PGAP4: variants seen among roughly 807,000 people sequenced by gnomAD.
The protein encoded by PGAP4 is GPI-N-acetylgalactosamine transferase PGAP4.
In PGAP4, 12 loss-of-function variants were observed where a neutral mutation model predicts 28.2. That is an observed-to-expected ratio of 0.42 (90% CI 0.27 to 0.69). PGAP4 has a LOEUF of 0.69. PGAP4 is among the 30% of genes least tolerant of loss of function. PGAP4 has a pLI of 0.22. For synonymous variants in PGAP4, 205 were observed against 211.8 expected, an observed-to-expected ratio of 0.97 and a Z score of 0.28; for missense variants, 425 against 513.5, an observed-to-expected ratio of 0.83 and a Z score of 1.67.
chr9:101,528,186 T>G (rs1262129460), intron 2 of PGAP4, among the ~76,000 whole-genome samples: 2 of 152,216 alleles, frequency 1.3e-5, no homozygotes, highest in Non-Finnish European at 2.9e-5. Context: ...GAAATTCTTT[T>G]TAAGTGCCTT....
At chr9:101,494,601 G>A (rs1053537772) in intron 2 of PGAP4, among the ~76,000 whole-genome samples, 3 of 151,832 alleles carry the variant, frequency 2.0e-5, no homozygotes, top group East Asian at 1.9e-4. Context: ...TAGAGTTATG[G>A]AAATTTTCAT....
At chr9:101,533,054 T>C (rs1827119984) in exon 1 of PGAP4, 1 of 152,218 alleles carries the variant, frequency 6.6e-6, no homozygotes, top group African/African-American at 2.4e-5. Flanking sequence ...TTAAAACGCA[T>C]TTAGTTTAAC....
At chr9:101,531,412 G>A (rs1280424546) in exon 2 of PGAP4, 2 of 152,186 alleles carry the variant, frequency 1.3e-5, no homozygotes, top group East Asian at 3.8e-4. Flanking sequence ...TAACACTCAA[G>A]TGTGGGTTGA....
chr9:101,498,210 C>T (rs940908416), intron 2 of PGAP4, among the ~76,000 whole-genome samples: 1 of 151,808 alleles, frequency 6.6e-6, no homozygotes, highest in Non-Finnish European at 1.5e-5. Flanking sequence ...ATGAGAAAAA[C>T]CTCTCCCAAC....
At chr9:101,491,235 G>T (rs554669089), upstream of PGAP4, among the ~76,000 whole-genome samples, 1 of 152,132 alleles carries the variant, frequency 6.6e-6, no homozygotes. Flanking sequence ...TGTGGCCTAG[G>T]AAAGAAAATT....
chr9:101,488,906 A>G (rs1379576180), upstream of PGAP4, among the ~76,000 whole-genome samples: 1 of 152,144 alleles, frequency 6.6e-6, no homozygotes, highest in Non-Finnish European at 1.5e-5. Context: ...GAACAAAACC[A>G]AGTCTCTGCC....
intron 1 of PGAP4, among the ~76,000 whole-genome samples, chr9:101,485,979 C>T (rs1286563079): frequency 6.6e-6 from 1 of 152,186 alleles, no homozygotes; most frequent in Non-Finnish European, 1.5e-5. Context: ...GCACACACAC[C>T]CGCATGTGTT....
At chr9:101,523,621 T>A (rs1827007649) in intron 2 of PGAP4, among the ~76,000 whole-genome samples, 1 of 38,930 alleles carries the variant, frequency 2.6e-5, no homozygotes, top group South Asian at 1.1e-3. Flanking sequence ...TCTTGTATCT[T>A]TTTTTTTTTT....
intron 2 of PGAP4, among the ~76,000 whole-genome samples, chr9:101,515,930 A>G (rs991989037): frequency 2.6e-5 from 4 of 152,148 alleles, no homozygotes; most frequent in Admixed American, 2.6e-4. Context: ...CTAATAAAGT[A>G]AATTTCAAGT....
chr9:101,476,196 C>T lies in PGAP4; in HGVS notation c.897G>A (p.Leu299=). Reference sequence around the variant, plus strand: ...CCAGCTCCACCAGACCCATGCTATACAGGGAGAAGAAGAGCATTACAGGCC... The same window carrying T: ...CCAGCTCCACCAGACCCATGCTATATAGGGAGAAGAAGAGCATTACAGGCC... The part of the protein sequence containing the change: ...FSWPVMLFFS[L]YSMGLVELVG... Residue 299 remains leucine (L), a synonymous_variant, in exon 2 of 2, where the codon CTG becomes CTA. Coordinates refer to ENST00000374848, the MANE Select transcript of PGAP4 (RefSeq NM_032342.3). The surrounding 1 kb of genome is among the most constrained non-coding windows in gnomAD (Gnocchi z 7.0). 6 of 1,614,166 alleles carry T rather than the reference C, an allele frequency of 3.7e-6. No individual in the cohort carries two copies. Among genetic ancestry groups the T allele is most frequent in the Non-Finnish European group, 4.2e-6 (5 of 1,180,036 alleles).
At chr9:101,519,902 T>TGA (rs1324380680) in intron 2 of PGAP4, among the ~76,000 whole-genome samples, 3 of 152,154 alleles carry the variant, frequency 2.0e-5, no homozygotes, top group Non-Finnish European at 4.4e-5. Flanking sequence ...TTGTATGAGG[T>TGA]GAGAGATGAG....
At chr9:101,519,656 CAT>C (rs915209870) in intron 2 of PGAP4, among the ~76,000 whole-genome samples, 5 of 149,358 alleles carry the variant, frequency 3.3e-5, no homozygotes, top group East Asian at 1.9e-4. Flanking sequence ...TATATACATA[CAT>C]ATATATATAC....
chr9:101,515,582 T>C (rs1826937385), intron 2 of PGAP4, among the ~76,000 whole-genome samples: 2 of 152,170 alleles, frequency 1.3e-5, no homozygotes, highest in African/African-American at 4.8e-5. Context: ...GCTGAAACCA[T>C]GCAAAGCTAT....
Position 101,475,617 on chromosome 9 carries a change from G to A in PGAP4, c.*264C>T. The A allele has an allele frequency of 2.0e-6, 1 of 494,766 alleles. No homozygotes were observed. The allele number at this position is 494,766 out of a possible 1,614,324, so 30.6% of individuals were successfully genotyped here. On this transcript the variant is annotated 3_prime_UTR_variant, in exon 2 of 2. Coordinates refer to ENST00000374848, the MANE Select transcript of PGAP4 (RefSeq NM_032342.3). The stretch of plus-strand genomic sequence containing the variant: ...TGGAGAATATAATCAGTGTTCAAAT[G>A]CACCCTCACTGGGTGGGTCAGACTG...
chr9:101,489,436 C>T (rs1395292587), upstream of PGAP4, among the ~76,000 whole-genome samples: 1 of 152,080 alleles, frequency 6.6e-6, no homozygotes, highest in African/African-American at 2.4e-5. Context: ...TAGTGCAGTG[C>T]ATACCCTAGG....
At chr9:101,511,647 G>A (rs1002355725) in intron 2 of PGAP4, among the ~76,000 whole-genome samples, 1 of 152,142 alleles carries the variant, frequency 6.6e-6, no homozygotes, top group Non-Finnish European at 1.5e-5. Context: ...CAAAGAATCA[G>A]TAGGTATTGG....
At position 101,486,327 on chromosome 9, in the gene PGAP4, C is replaced by A. The variant is rs147916929; in HGVS notation, c.-78+622G>T. On this transcript the variant is annotated intron_variant, in intron 1 of 1. Coordinates refer to ENST00000374848, the MANE Select transcript of PGAP4 (RefSeq NM_032342.3). The surrounding 1 kb of genome is among the most constrained non-coding windows in gnomAD (Gnocchi z 4.7). Reference sequence around the variant, plus strand: ...GCCGAGCTGACCGTCTCCATCGCTGCGCTCCTTCCCTTCTGCTGGTTTTTC... The same window carrying A: ...GCCGAGCTGACCGTCTCCATCGCTGAGCTCCTTCCCTTCTGCTGGTTTTTC... Among the ~76,000 whole-genome samples, 384 of 152,330 alleles carry A rather than the reference C, an allele frequency of 2.5e-3. 1 individual carries two copies. The highest frequency in any genetic ancestry group is 8.8e-3 in the African/African-American group (366 of 41,588).
At chr9:101,500,928 C>T (rs1180499629) in intron 2 of PGAP4, among the ~76,000 whole-genome samples, 1 of 151,978 alleles carries the variant, frequency 6.6e-6, no homozygotes, top group African/African-American at 2.4e-5. Flanking sequence ...GGGGGACTGT[C>T]ATGAGAAAAA....
chr9:101,505,619 C>T (rs1826842950), intron 2 of PGAP4, among the ~76,000 whole-genome samples: 1 of 152,018 alleles, frequency 6.6e-6, no homozygotes, highest in Non-Finnish European at 1.5e-5. Context: ...TCTGAGAATT[C>T]AGGAGATAGT....
Sources: allele counts gnomAD v4.1 joint callset (sites outside exome capture counted in the v4.1 genomes callset), GRCh38; gene constraint gnomAD v4.1.1; non-coding constraint Gnocchi (gnomAD v3.1); transcripts MANE v1.5; gene names NCBI Gene and HGNC (gene_info 2026-07-23, HGNC 2026-07-21).